Variants in RIMS3 observed in about 807,000 individuals in gnomAD.
RIMS3 encodes the protein regulating synaptic membrane exocytosis 3.
A neutral mutation model predicts 29.2 loss-of-function variants in RIMS3; 15 were observed. The ratio of observed to expected loss-of-function variants is 0.51; its 90% CI spans 0.34 to 0.79. RIMS3 has a LOEUF of 0.79. RIMS3 is among the 30% of genes least tolerant of loss of function. The probability of loss-of-function intolerance (pLI) is 0.01; values close to 1 mark genes in which losing one functional copy is unlikely to be tolerated. For synonymous variants in RIMS3, 161 were observed against 170.1 expected (o/e 0.95, Z 0.41); for missense variants, 342 against 421.4 (o/e 0.81, Z 1.65).
intron 1 of RIMS3, among the ~76,000 whole-genome samples, chr1:40,655,292 C>G (rs1642259836): frequency 6.6e-6 from 1 of 152,032 alleles, no homozygotes; most frequent in African/African-American, 2.4e-5. Context: ...CTCCCTAGGC[C>G]TCCCTGAGGC....
chr1:40,663,856 A>G (rs1642387155), intron 1 of RIMS3, among the ~76,000 whole-genome samples: 1 of 152,180 alleles, frequency 6.6e-6, no homozygotes, highest in Non-Finnish European at 1.5e-5. Flanking sequence ...TCATGAGTTC[A>G]GCAGTTAGCT....
Position 40,665,466 on chromosome 1 carries a change from G to A in RIMS3, c.-279C>T, listed in dbSNP as rs1191721824. ...GAGGCGGCTCCGCAAGGCGGGGCAG[G>A]TGCTGCCCCGGGACCCCGCCCCGCG... is the stretch of plus-strand genomic sequence containing the variant. On this transcript the variant is annotated 5_prime_UTR_variant, in exon 1 of 8. Coordinates refer to ENST00000372684, the MANE Select transcript of RIMS3 (RefSeq NM_014747.3). 6.6e-6 allele frequency: 1 copy of A among 152,226 alleles called. No individual in the cohort carries two copies. Among genetic ancestry groups the A allele is most frequent in the African/African-American group, 2.4e-5 (1 of 41,430 alleles). The allele number at this position is 152,226 out of a possible 1,614,324, so 9.4% of individuals were successfully genotyped here.
At chr1:40,650,882 A>C (rs1214121337) in intron 1 of RIMS3, among the ~76,000 whole-genome samples, 1 of 147,200 alleles carries the variant, frequency 6.8e-6, no homozygotes, top group East Asian at 1.9e-4. Context: ...AAAAAAAAAA[A>C]AAAAAAAAAG....
the RIMS3 span, among the ~76,000 whole-genome samples, chr1:40,679,354 G>A: frequency 6.6e-6 from 1 of 152,232 alleles, no homozygotes; most frequent in African/African-American, 2.4e-5. Context: ...ATGACAGGAA[G>A]CCAGCTGGCA....
Position 40,629,061 on chromosome 1 carries a change from C to A in RIMS3, c.575-112G>T, listed in dbSNP as rs552072550. ...AGGTGAGCAGGATGTGTGGAATGAGCCAGCCAGTGGACAGCAGGCAGAAGA... is the reference window on the plus strand; with the variant it reads ...AGGTGAGCAGGATGTGTGGAATGAGACAGCCAGTGGACAGCAGGCAGAAGA... On this transcript the variant is annotated intron_variant, in intron 6 of 7. Coordinates refer to ENST00000372684, the MANE Select transcript of RIMS3 (RefSeq NM_014747.3). The A allele has an allele frequency of 1.2e-5, 16 of 1,383,024 alleles. No individual in the cohort carries two copies. In the African/African-American group the frequency reaches 1.7e-4, roughly 15 times the overall value. The allele number at this position is 1,383,024 out of a possible 1,614,324, so 85.7% of individuals were successfully genotyped here. A position where few individuals can be genotyped will look rare whatever the true frequency, so the allele number is the denominator to read the frequency against.
At position 40,654,837 on chromosome 1, in the gene RIMS3, CTT is replaced by C. The variant is rs2148357893; in HGVS notation, c.-206-6997_-206-6996del. 6.6e-6 allele frequency among the ~76,000 whole-genome samples: 1 copy of C among 152,126 alleles called. No individual in the cohort carries two copies. Among genetic ancestry groups the C allele is most frequent in the East Asian group, 1.9e-4 (1 of 5,194 alleles). Reference sequence around the variant, plus strand: ...CATTTGCCAGGGACATACACACACACTTAAACTCTCTCATACATACACACACA... The same window carrying C: ...CATTTGCCAGGGACATACACACACACAAACTCTCTCATACATACACACACA... On this transcript the variant is annotated intron_variant, in intron 1 of 7. Coordinates refer to ENST00000372684, the MANE Select transcript of RIMS3 (RefSeq NM_014747.3). The surrounding 1 kb of genome is among the most constrained non-coding windows in gnomAD (Gnocchi z 5.3).
upstream of RIMS3, chr1:40,665,739 G>C (rs562487621): frequency 6.5e-6 from 1 of 153,020 alleles, no homozygotes; most frequent in South Asian, 1.8e-4. Context: ...GGGCGGGGCC[G>C]CGTGGATGGG....
chr1:40,623,466 AG>A lies in RIMS3; in HGVS notation c.*3050del. 7.5e-6 allele frequency: 3 copies of A among 398,678 alleles called. No individual in the cohort carries two copies. Among genetic ancestry groups the A allele is most frequent in the Non-Finnish European group, 1.3e-5 (3 of 226,116 alleles). The allele number at this position is 398,678 out of a possible 1,614,324, so 24.7% of individuals were successfully genotyped here. On this transcript the variant is annotated 3_prime_UTR_variant, in exon 8 of 8. Transcript: ENST00000372684. ...CCTGCCCACAACCCAACATCACTGC[AG>A]GGCCACTCCTGTCTCTGCCATATGC...
At chr1:40,685,348 ATATAT>A in the RIMS3 span, among the ~76,000 whole-genome samples, 1 of 51,784 alleles carries the variant, frequency 1.9e-5, no homozygotes. Context: ...TATATTATAT[ATATAT>A]TATATAATAT....
chr1:40,681,641 G>A, the RIMS3 span: 1 of 152,050 alleles, frequency 6.6e-6, no homozygotes, highest in Non-Finnish European at 1.5e-5. Flanking sequence ...ACACATTTTA[G>A]CTCTTATTAT....
chr1:40,685,025 T>G, the RIMS3 span, among the ~76,000 whole-genome samples: 1 of 152,036 alleles, frequency 6.6e-6, no homozygotes, highest in Non-Finnish European at 1.5e-5. Flanking sequence ...TGTCTGTTGT[T>G]GAGGTGGACC....
chr1:40,687,747 T>C, the RIMS3 span, among the ~76,000 whole-genome samples: 104 of 152,226 alleles, frequency 6.8e-4, no homozygotes, highest in African/African-American at 2.3e-3. Context: ...TCTTCTTCCA[T>C]TCCCTCTTAC....
At chr1:40,629,225 G>A in intron 6 of RIMS3, 46 bp downstream of exon 6, 6 of 1,513,938 alleles carry the variant, frequency 4.0e-6, no homozygotes, top group Non-Finnish European at 5.5e-6. Context: ...CCAGAGCTCG[G>A]CTCTATGCCC....
In RIMS3 at chr1:40,636,664, A is replaced by G. The variant is rs1646522734; in HGVS notation, c.218-607T>C. Among the ~76,000 whole-genome samples the G allele has an allele frequency of 6.6e-6, 1 of 152,178 alleles. No homozygotes were observed. The highest frequency in any genetic ancestry group is 6.5e-5 in the Admixed American group (1 of 15,290). On this transcript the variant is annotated intron_variant, in intron 3 of 7. Coordinates refer to ENST00000372684, the MANE Select transcript of RIMS3 (RefSeq NM_014747.3). This position sits in a 1 kb window ranked among gnomAD's most constrained non-coding sequence, Gnocchi z 4.2. ...GTGGAGAGCTGGAGAGGCCATTAGGAAAACAAGACAGAGAGGGACTGCTGG... is the reference window on the plus strand; with the variant it reads ...GTGGAGAGCTGGAGAGGCCATTAGGGAAACAAGACAGAGAGGGACTGCTGG...
intron 1 of RIMS3, among the ~76,000 whole-genome samples, chr1:40,661,812 G>A (rs1019605077): frequency 1.3e-5 from 2 of 152,254 alleles, no homozygotes; most frequent in African/African-American, 2.4e-5. Context: ...TGGGCACAGA[G>A]CAGCCTGGTG....
chr1:40,633,368 C>G (rs1437121383), intron 4 of RIMS3, among the ~76,000 whole-genome samples, 187 bp from the exon 5 acceptor site: 3 of 152,244 alleles, frequency 2.0e-5, no homozygotes, highest in African/African-American at 7.2e-5. Context: ...TTTCTGCATA[C>G]TGAAGAAAAA....
the RIMS3 span, among the ~76,000 whole-genome samples, chr1:40,678,080 C>CCAT: frequency 6.6e-6 from 1 of 152,160 alleles, no homozygotes; most frequent in Non-Finnish European, 1.5e-5. Context: ...AGGTTGAGAA[C>CCAT]CATCAGTCTA....
chr1:40,642,102 G>A, intron 2 of RIMS3, 146 bp from the exon 3 acceptor site: 1 of 610,014 alleles, frequency 1.6e-6, no homozygotes, highest in South Asian at 2.0e-5. Flanking sequence ...AATGTCAAGA[G>A]CATGCACAGG....
At chr1:40,688,658 G>T in the RIMS3 span, among the ~76,000 whole-genome samples, 1 of 152,154 alleles carries the variant, frequency 6.6e-6, no homozygotes, top group East Asian at 1.9e-4. Context: ...ATCTTAAGAA[G>T]TATTTCTTAG....
Sources: allele counts gnomAD v4.1 joint callset (sites outside exome capture counted in the v4.1 genomes callset), GRCh38; gene constraint gnomAD v4.1.1; non-coding constraint Gnocchi (gnomAD v3.1); transcripts MANE v1.5; gene names NCBI Gene and HGNC (gene_info 2026-07-23, HGNC 2026-07-21).